The following UMAD1 variants were observed in gnomAD, a reference collection of about 807,000 sequenced individuals.
The protein encoded by UMAD1 is UBAP1-MVB12-associated (UMA)-domain containing protein 1.
A neutral mutation model predicts 6.1 loss-of-function variants in UMAD1; 8 were observed. The observed-to-expected ratio is 1.30, with a 90% CI of 0.76 to 2.35. The LOEUF is 2.35. UMAD1 is among the 30% of genes most tolerant of loss of function. The pLI is 0.00. For synonymous variants in UMAD1, 56 were observed against 31.4 expected, an observed-to-expected ratio of 1.78 and a Z score of -2.61; for missense variants, 130 against 78.4, an observed-to-expected ratio of 1.66 and a Z score of -2.49.
intron 3 of UMAD1, among the ~76,000 whole-genome samples, chr7:7,861,355 A>G (rs1477498401): frequency 6.6e-6 from 1 of 152,158 alleles, no homozygotes; most frequent in East Asian, 1.9e-4. Context: ...GCCATTCTGA[A>G]TGGCCACTTC....
At chr7:7,702,467 T>C (rs902156832) in intron 2 of UMAD1, among the ~76,000 whole-genome samples, 2 of 152,206 alleles carry the variant, frequency 1.3e-5, no homozygotes, top group African/African-American at 4.8e-5. Context: ...GAAACCTGGC[T>C]TTCAAGTACA....
Position 7,859,724 on chromosome 7 carries a change from T to C in UMAD1, c.157-17557T>C, listed in dbSNP as rs1784080307. On this transcript the variant is annotated intron_variant, in intron 3 of 3. Coordinates refer to ENST00000682710, the MANE Select transcript of UMAD1 (RefSeq NM_001302348.2). ...TAAGTCTTGCAGATTAATTTTCAACTTGACGTACAAGTAACAGAATATATT... is the reference window on the plus strand; with the variant it reads ...TAAGTCTTGCAGATTAATTTTCAACCTGACGTACAAGTAACAGAATATATT... 2.6e-5 allele frequency among the ~76,000 whole-genome samples: 4 copies of C among 152,306 alleles called. No individual in the cohort carries two copies. The South Asian group carries it at 8.3e-4, about 32-fold the overall frequency.
intron 3 of UMAD1, among the ~76,000 whole-genome samples, chr7:7,852,350 G>A (rs1783933256): frequency 6.6e-6 from 1 of 152,156 alleles, no homozygotes; most frequent in Non-Finnish European, 1.5e-5. Flanking sequence ...CACCTGCTGG[G>A]TGTCCTCCAG....
At chr7:7,758,516 G>A (rs1781825306) in intron 2 of UMAD1, among the ~76,000 whole-genome samples, 1 of 102,226 alleles carries the variant, frequency 9.8e-6, no homozygotes, top group East Asian at 2.8e-4. Flanking sequence ...AGAAAACATA[G>A]TGGGTGGATA....
intron 3 of UMAD1, among the ~76,000 whole-genome samples, chr7:7,842,411 A>G (rs1331947980): frequency 6.6e-6 from 1 of 152,126 alleles, no homozygotes; most frequent in African/African-American, 2.4e-5. Context: ...CGAGACCTAG[A>G]CAGCTTTAAA....
chr7:7,850,389 C>G lies in UMAD1; in HGVS notation c.157-26892C>G, dbSNP rs114621401. On this transcript the variant is annotated intron_variant, in intron 3 of 3. Transcript: ENST00000682710. ...AAAAAATACATGAACAAGCTAAGCT[C>G]TTTCTCAATTCAGAAATTTTGCATC... Among the ~76,000 whole-genome samples, 988 of 152,166 alleles carry G rather than the reference C, an allele frequency of 6.5e-3. 12 individuals carry two copies. The highest frequency in any genetic ancestry group is 0.022 in the African/African-American group (912 of 41,548).
chr7:7,702,447 G>T (rs74577524), intron 2 of UMAD1, among the ~76,000 whole-genome samples: 2,798 of 152,100 alleles, frequency 0.018, 85 homozygotes, highest in African/African-American at 0.064. Flanking sequence ...AATTCTGGTT[G>T]GGGAGGCAGG....
chr7:7,681,127 A>G (rs1312967247), intron 2 of UMAD1, among the ~76,000 whole-genome samples: 4 of 152,202 alleles, frequency 2.6e-5, no homozygotes, highest in South Asian at 2.1e-4. Context: ...CTTTTTATCA[A>G]TATGGACACC....
chr7:7,666,231 C>T (rs1779452452), intron 1 of UMAD1, among the ~76,000 whole-genome samples: 1 of 151,958 alleles, frequency 6.6e-6, no homozygotes, highest in African/African-American at 2.4e-5. Context: ...GATAGGGTCT[C>T]ATAGCCCTGT....
chr7:7,802,624 C>G (rs865857361), intron 3 of UMAD1, among the ~76,000 whole-genome samples: 70 of 152,074 alleles, frequency 4.6e-4, no homozygotes, highest in African/African-American at 1.2e-3. Context: ...ATGTTAAGTA[C>G]TAGGGTGGAA....
intron 1 of UMAD1, among the ~76,000 whole-genome samples, chr7:7,650,486 G>GAT (rs1320890971): frequency 4.0e-4 from 61 of 152,132 alleles, no homozygotes; most frequent in Non-Finnish European, 6.6e-4. Context: ...TGATTTTGCT[G>GAT]TAGGCTTACA....
At chr7:7,672,515 T>C (rs546591619) in intron 1 of UMAD1, among the ~76,000 whole-genome samples, 21 of 152,318 alleles carry the variant, frequency 1.4e-4, no homozygotes, top group African/African-American at 4.8e-4. Context: ...AATCTCACTT[T>C]GAATTGTATT....
intron 3 of UMAD1, among the ~76,000 whole-genome samples, chr7:7,827,212 G>A (rs989035489): frequency 6.2e-5 from 9 of 145,928 alleles, no homozygotes; most frequent in African/African-American, 2.3e-4. Context: ...GAATATTATA[G>A]CATATGATTT....
chr7:7,721,454 C>A, intron 2 of UMAD1, among the ~76,000 whole-genome samples: 1 of 152,018 alleles, frequency 6.6e-6, no homozygotes, highest in East Asian at 1.9e-4. Context: ...AATTGTGAGC[C>A]GTAGGGGATA....
In UMAD1 at chr7:7,731,491, C is replaced by CCCCAA. The variant is rs1554321024; in HGVS notation, c.82+58038_82+58039insCCCAA. Among the ~76,000 whole-genome samples, 100 of 134,554 alleles carry CCCCAA rather than the reference C, an allele frequency of 7.4e-4. 1 individual carries two copies. Among genetic ancestry groups the CCCCAA allele is most frequent in the Middle Eastern group, 3.9e-3 (1 of 258 alleles). 88.3% of individuals were successfully genotyped at this position (134,554 alleles called of 152,430 possible). A position where few individuals can be genotyped will look rare whatever the true frequency, so the allele number is the denominator to read the frequency against. On this transcript the variant is annotated intron_variant, in intron 2 of 3. Transcript: ENST00000682710. ...GAAAAGCAAACAAACAACCCCCCCCCAAAAAAAAAACACTTCTAGAGGTAT... is the reference window on the plus strand; with the variant it reads ...GAAAAGCAAACAAACAACCCCCCCCCCCCAAAAAAAAAAAACACTTCTAGAGGTAT...
At chr7:7,698,870 C>CTTTTTT (rs57968079) in intron 2 of UMAD1, among the ~76,000 whole-genome samples, 1 of 131,956 alleles carries the variant, frequency 7.6e-6, no homozygotes, top group Non-Finnish European at 1.6e-5. Flanking sequence ...ACCCTCTTGT[C>CTTTTTT]TTTTTTTTTT....
intron 2 of UMAD1, among the ~76,000 whole-genome samples, chr7:7,732,975 C>T (rs1341021570): frequency 6.6e-6 from 1 of 152,170 alleles, no homozygotes; most frequent in East Asian, 1.9e-4. Flanking sequence ...ACAACACATT[C>T]TGGAAACTGA....
chr7:7,874,941 A>G (rs1784389557), intron 3 of UMAD1, among the ~76,000 whole-genome samples: 2 of 151,862 alleles, frequency 1.3e-5, no homozygotes, highest in African/African-American at 4.8e-5. Flanking sequence ...CTTATGAAGT[A>G]TTTTGTATTT....
chr7:7,714,806 A>G (rs1780852545), intron 2 of UMAD1, among the ~76,000 whole-genome samples: 2 of 151,376 alleles, frequency 1.3e-5, no homozygotes, highest in Non-Finnish European at 3.0e-5. Context: ...GCACTTGTGT[A>G]GAGTAATTTT....
Sources: allele counts gnomAD v4.1 joint callset (sites outside exome capture counted in the v4.1 genomes callset), GRCh38; gene constraint gnomAD v4.1.1; transcripts MANE v1.5; gene names NCBI Gene and HGNC (gene_info 2026-07-23, HGNC 2026-07-21).